The following LRGUK variants were observed in gnomAD, a reference collection of about 807,000 sequenced individuals.
LRGUK encodes the protein leucine rich repeats and guanylate kinase domain containing.
Under a neutral mutation model 76.0 loss-of-function variants are expected in LRGUK, and 65 were observed. The ratio of observed to expected loss-of-function variants is 0.85; its 90% confidence interval spans 0.70 to 1.05. The LOEUF is 1.05. LRGUK is among the 50% of genes least tolerant of loss of function. The probability of loss-of-function intolerance (pLI) is 0.00; values close to 1 mark genes in which losing one functional copy is unlikely to be tolerated. For missense variants in LRGUK, 758 were observed against 732.8 expected (o/e 1.03, Z -0.40); for synonymous variants, 268 against 265.6 (o/e 1.01, Z -0.09).
At chr7:134,194,127 C>T (rs1800380921) in intron 12 of LRGUK, among the ~76,000 whole-genome samples, 1 of 152,164 alleles carries the variant, frequency 6.6e-6, no homozygotes, top group East Asian at 1.9e-4. Context: ...TTAGGAAATC[C>T]ATATGCAGCA....
intron 15 of LRGUK, among the ~76,000 whole-genome samples, chr7:134,215,643 A>G (rs1662318390): frequency 1.3e-5 from 2 of 152,128 alleles, no homozygotes; most frequent in South Asian, 4.1e-4. Flanking sequence ...TGATCAGCTT[A>G]CTTCCTTGCC....
intron 2 of LRGUK, 146 bp downstream of exon 2, chr7:134,137,276 G>A: frequency 1.6e-6 from 1 of 631,808 alleles, no homozygotes; most frequent in Non-Finnish European, 2.8e-6. Flanking sequence ...AGATATTTCT[G>A]TAAATATTAG....
intron 14 of LRGUK, among the ~76,000 whole-genome samples, chr7:134,199,706 A>G (rs1800669358): frequency 6.6e-6 from 1 of 151,950 alleles, no homozygotes; most frequent in Admixed American, 6.6e-5. Context: ...GTTAAATTAT[A>G]TATAATTTGA....
intron 16 of LRGUK, among the ~76,000 whole-genome samples, chr7:134,232,112 A>G (rs188257061): frequency 1.3e-5 from 2 of 152,246 alleles, no homozygotes; most frequent in East Asian, 3.9e-4. Flanking sequence ...TCCTTATAGA[A>G]TTAATATTCT....
chr7:134,164,797 A>G (rs1309899341), intron 7 of LRGUK, among the ~76,000 whole-genome samples: 4 of 152,176 alleles, frequency 2.6e-5, no homozygotes, highest in Non-Finnish European at 4.4e-5. Context: ...CTAAGAATCA[A>G]GAAAAGTCAG....
At chr7:134,174,740 C>T (rs1228317984) in intron 8 of LRGUK, 104 bp downstream of exon 8, 2 of 733,544 alleles carry the variant, frequency 2.7e-6, no homozygotes, top group African/African-American at 3.5e-5. Flanking sequence ...AAAAGAATAT[C>T]AGGAATGTGA....
At chr7:134,160,852 G>T (rs1239227102) in intron 6 of LRGUK, among the ~76,000 whole-genome samples, 1 of 152,188 alleles carries the variant, frequency 6.6e-6, no homozygotes, top group Non-Finnish European at 1.5e-5. Flanking sequence ...GAAACAAGCA[G>T]GAAGAAGCTT....
chr7:134,175,234 C>T (rs1799432537), intron 8 of LRGUK, among the ~76,000 whole-genome samples: 1 of 152,142 alleles, frequency 6.6e-6, no homozygotes, highest in Non-Finnish European at 1.5e-5. Flanking sequence ...TTCTCCCGGT[C>T]TCCTCCCCTC....
intron 5 of LRGUK, among the ~76,000 whole-genome samples, chr7:134,152,858 G>T (rs535104076): frequency 1.3e-5 from 2 of 152,004 alleles, no homozygotes; most frequent in African/African-American, 4.8e-5. Context: ...CATAAGTTAT[G>T]GTATAGTCAC....
At chr7:134,137,169 G>C in intron 2 of LRGUK, 39 bp downstream of exon 2, 2 of 1,426,606 alleles carry the variant, frequency 1.4e-6, no homozygotes, top group Non-Finnish European at 2.0e-6. Flanking sequence ...GCTACAGCTT[G>C]ACACTGGCTA....
At chr7:134,162,585 G>C (rs1314848789) in intron 6 of LRGUK, among the ~76,000 whole-genome samples, 1 of 152,116 alleles carries the variant, frequency 6.6e-6, no homozygotes, top group East Asian at 1.9e-4. Context: ...CCAGCACTTT[G>C]GGAGGCCGAG....
chr7:134,251,550 G>A (rs1415395696), intron 18 of LRGUK, among the ~76,000 whole-genome samples: 1 of 152,100 alleles, frequency 6.6e-6, no homozygotes, highest in Non-Finnish European at 1.5e-5. Context: ...AATACGACCT[G>A]TATAAAAATC....
intron 6 of LRGUK, among the ~76,000 whole-genome samples, chr7:134,162,592 C>T (rs561140640): frequency 2.6e-5 from 4 of 151,970 alleles, no homozygotes; most frequent in Non-Finnish European, 4.4e-5. Context: ...TTTGGGAGGC[C>T]GAGGTGGGTT....
chr7:134,237,366 A>G (rs952164830), intron 16 of LRGUK, among the ~76,000 whole-genome samples: 2 of 152,100 alleles, frequency 1.3e-5, no homozygotes, highest in Non-Finnish European at 2.9e-5. Flanking sequence ...TCTTTTTTCA[A>G]GATAATGAAT....
intron 16 of LRGUK, among the ~76,000 whole-genome samples, chr7:134,234,332 T>C (rs1801968988): frequency 1.3e-5 from 2 of 152,080 alleles, no homozygotes; most frequent in African/African-American, 4.8e-5. Flanking sequence ...TGTTCATAGA[T>C]GGTTTCCCAA....
chr7:134,196,923 T>C (rs1800508708), intron 12 of LRGUK, 69 bp from the exon 13 acceptor site: 1 of 810,282 alleles, frequency 1.2e-6, no homozygotes, highest in South Asian at 1.7e-5. Context: ...AGACATCAAA[T>C]GATTTGAGTT....
At chr7:134,210,684 A>C (rs531466730), downstream of LRGUK, among the ~76,000 whole-genome samples, 1 of 152,310 alleles carries the variant, frequency 6.6e-6, no homozygotes, top group African/African-American at 2.4e-5. Flanking sequence ...CAGAGGAGAG[A>C]GATTGCTTCG....
intron 3 of LRGUK, chr7:134,141,762 A>G (rs1797775248): frequency 6.6e-6 from 1 of 152,222 alleles, no homozygotes; most frequent in Non-Finnish European, 1.5e-5. Context: ...AGCATGGACA[A>G]ATCGATACCA....
At chr7:134,231,227 A>G (rs1339343913) in intron 16 of LRGUK, among the ~76,000 whole-genome samples, 1 of 152,172 alleles carries the variant, frequency 6.6e-6, no homozygotes, top group African/African-American at 2.4e-5. Context: ...ACCCCACTGA[A>G]CATAAATCTG....
Sources: allele counts gnomAD v4.1 joint callset (sites outside exome capture counted in the v4.1 genomes callset), GRCh38; gene constraint gnomAD v4.1.1; transcripts MANE v1.5; gene names NCBI Gene and HGNC (gene_info 2026-07-23, HGNC 2026-07-21).